INTS11: variants seen among roughly 807,000 people sequenced by gnomAD.
INTS11 encodes the protein integrator complex subunit 11, also known as CPSF3-like protein.
In INTS11, 77 loss-of-function variants were observed where a neutral mutation model predicts 78.6. That is an observed-to-expected ratio of 0.98 (90% CI 0.81 to 1.18). INTS11 has a LOEUF of 1.18. Among genes scored for constraint, INTS11 ranks in the 50% most tolerant of loss-of-function variants. The pLI, the probability that INTS11 is intolerant of heterozygous loss-of-function variation, is 0.00. For missense variants in INTS11, 875 were observed against 825.9 expected (o/e 1.06, Z -0.73); for synonymous variants, 441 against 326.9 (o/e 1.35, Z -3.77).
intron 1 of INTS11, among the ~76,000 whole-genome samples, chr1:1,324,147 G>GGAGGCTGAGAGGCTGGGGAGCTGA (rs1643171520): frequency 2.1e-4 from 2 of 9,662 alleles, no homozygotes; most frequent in Non-Finnish European, 1.8e-3. Context: ...TGGGGGGCTG[G>GGAGGCTGAGAGGCTGGGGAGCTGA]GGGGCTGAGG....
At chr1:1,321,984 C>G (rs1570742775) in intron 1 of INTS11, 1 of 1,235,190 alleles carries the variant, frequency 8.1e-7, no homozygotes, top group East Asian at 4.8e-5. Flanking sequence ...CGAGGGGCTG[C>G]CTGCCACAGA....
intron 3 of INTS11, chr1:1,319,745 G>A: frequency 1.8e-6 from 1 of 569,030 alleles, no homozygotes; most frequent in South Asian, 2.2e-5. Flanking sequence ...GAACACGTCG[G>A]TGACGGCGAC....
In INTS11 at chr1:1,312,206, G is replaced by GGGGGA; in HGVS notation, c.1607+19_1607+20insTCCCC. The GGGGGA allele has an allele frequency of 8.6e-7, 1 of 1,161,216 alleles. No individual in the cohort carries two copies. Among genetic ancestry groups the GGGGGA allele is most frequent in the Non-Finnish European group, 1.2e-6 (1 of 826,256 alleles). The allele number at this position is 1,161,216 out of a possible 1,614,324, so 71.9% of individuals were successfully genotyped here. ...TCCAGGGCCCAAGGGAGTGGGGGGG[G>GGGGGA]GGCGGGGCCGGGCGCCCACCTCTTG... On this transcript the variant is annotated intron_variant, in intron 15 of 16. Coordinates refer to ENST00000435064, the MANE Select transcript of INTS11 (RefSeq NM_017871.6).
At chr1:1,315,244 C>T in intron 6 of INTS11, 160 bp downstream of exon 6, 1 of 889,342 alleles carries the variant, frequency 1.1e-6, no homozygotes, top group Non-Finnish European at 1.8e-6. Context: ...GACCCTGTGC[C>T]TTCGCGCATT....
intron 4 of INTS11, chr1:1,318,944 GGCAACACCCCGGGA>G (rs755399129): frequency 1.5e-5 from 11 of 717,122 alleles, no homozygotes; most frequent in South Asian, 1.5e-4. Context: ...CTCCCTGCCC[GGCAACACCCCGGGA>G]GCTCCAGCGA....
rs941749011 is a variant in INTS11, at chr1:1,320,981, G to A, written c.126+15C>T. 17 of 1,610,282 alleles carry A rather than the reference G, an allele frequency of 1.1e-5. No homozygotes were observed. Among genetic ancestry groups the A allele is most frequent in the Admixed American group, 1.7e-5 (1 of 59,986 alleles). ...GGCTCTCCCAGCCTCTGGGCCTCCT[G>A]CCCAAGGGACTCACGTCGTCATTGA... On this transcript the variant is annotated intron_variant, in intron 2 of 16. Transcript: ENST00000435064.
At position 1,311,739 on chromosome 1, in the gene INTS11, G is replaced by A. The variant is rs1642173995; in HGVS notation, c.*120C>T. On this transcript the variant is annotated 3_prime_UTR_variant, in exon 17 of 17. Transcript: ENST00000435064. ...GGCAGGCAGGTGACACAAGGCCTCTGTCCCCAGGGATGGGACCTGCAGGGT... is the reference window on the plus strand; with the variant it reads ...GGCAGGCAGGTGACACAAGGCCTCTATCCCCAGGGATGGGACCTGCAGGGT... 1 of 1,050,476 alleles carries A rather than the reference G, an allele frequency of 9.5e-7. No homozygotes were observed. Among genetic ancestry groups the A allele is most frequent in the Non-Finnish European group, 1.4e-6 (1 of 706,962 alleles). The allele number at this position is 1,050,476 out of a possible 1,614,324, so 65.1% of individuals were successfully genotyped here.
rs748184251 is a variant in INTS11, at chr1:1,312,622, A to G, written c.1373T>C (p.Leu458Pro). ...CGCCATCTCCCGCTTCAGCAGCCCC[A>G]GCGAGATGCCTACGGGGATGCTGGG... ...TSPSIPVGIS[L>P]GLLKREMAQG... The change falls in exon 13 of 17, where the codon CTG (leucine) becomes CCG (proline). Residue 458 changes from leucine (L) to proline (P), a missense_variant. Leu to Pro is a moderately conservative substitution (Grantham distance 98, BLOSUM62 -3). Coordinates refer to ENST00000435064, the MANE Select transcript of INTS11 (RefSeq NM_017871.6). 1 of 1,582,416 alleles carries G rather than the reference A, an allele frequency of 6.3e-7. No individual in the cohort carries two copies. The highest frequency in any genetic ancestry group is 8.6e-7 in the Non-Finnish European group (1 of 1,159,890).
intron 10 of INTS11, 172 bp from the exon 11 acceptor site, chr1:1,313,296 G>A (rs1373445241): frequency 3.3e-6 from 3 of 899,474 alleles, no homozygotes; most frequent in African/African-American, 3.3e-5. Context: ...AGACTGTCCA[G>A]GGCTGGGCTG....
chr1:1,321,374 G>A (rs1219439513), intron 1 of INTS11, among the ~76,000 whole-genome samples: 2 of 151,984 alleles, frequency 1.3e-5, no homozygotes, highest in Non-Finnish European at 2.9e-5. Flanking sequence ...TGGCTAAGTA[G>A]TGGGCACTGT....
chr1:1,318,978 C>G (rs571427546), intron 4 of INTS11: 15 of 717,154 alleles, frequency 2.1e-5, no homozygotes, highest in Non-Finnish European at 2.9e-5. Flanking sequence ...AGTCTCTGGC[C>G]GCTCCAAGCG....
intron 1 of INTS11, chr1:1,323,287 C>T: frequency 6.5e-7 from 1 of 1,549,244 alleles, no homozygotes; most frequent in Middle Eastern, 1.7e-4. Flanking sequence ...AGGGCAGGCA[C>T]CTGTGGAAAA....
In INTS11 at chr1:1,314,238, C is replaced by T; in HGVS notation, c.767+63G>A. 3 of 1,440,464 alleles carry T rather than the reference C, an allele frequency of 2.1e-6. No individual in the cohort carries two copies. The highest frequency in any genetic ancestry group is 2.9e-6 in the Non-Finnish European group (3 of 1,046,022). The allele number at this position is 1,440,464 out of a possible 1,614,324, so 89.2% of individuals were successfully genotyped here. On this transcript the variant is annotated intron_variant, in intron 8 of 16. Transcript: ENST00000435064. This position sits in a 1 kb window ranked among gnomAD's most constrained non-coding sequence, Gnocchi z 4.2. ...CCGCTACGCTGGACAGGGCTGCCCACCAACTGGACTGTGTTCAGGCCGGGC... is the reference window on the plus strand; with the variant it reads ...CCGCTACGCTGGACAGGGCTGCCCATCAACTGGACTGTGTTCAGGCCGGGC...
rs1365250435 is a variant in INTS11, at chr1:1,312,828, T to C, written c.1253A>G (p.Lys418Arg). The C allele has an allele frequency of 3.7e-6, 6 of 1,611,432 alleles. No individual in the cohort carries two copies. The East Asian group carries it at 6.7e-5, about 18-fold the overall frequency. ...CTTCTGCTTCAGGAACTCCATCTTCTTGGCCTCGCCATGCACCAGCAGCAC... is the reference window on the plus strand; with the variant it reads ...CTTCTGCTTCAGGAACTCCATCTTCCTGGCCTCGCCATGCACCAGCAGCAC... ...ESVLLVHGEA[K>R]KMEFLKQKIE... is the part of the protein sequence containing the mutation. Residue 418 changes from lysine to arginine, a missense_variant, in exon 12 of 17, where the codon AAG becomes AGG. Coordinates refer to ENST00000435064, the MANE Select transcript of INTS11 (RefSeq NM_017871.6).
chr1:1,315,292 G>T (rs1051842823), intron 6 of INTS11, 112 bp downstream of exon 6: 3 of 1,329,344 alleles, frequency 2.3e-6, no homozygotes, highest in African/African-American at 1.4e-5. Context: ...GGCCGCACAG[G>T]ACATGGGAGA....
intron 4 of INTS11, chr1:1,318,684 G>C: frequency 2.2e-6 from 1 of 447,882 alleles, no homozygotes; most frequent in East Asian, 3.5e-5. Context: ...CAACAAAAAA[G>C]ATAAACATAC....
chr1:1,314,650 GA>G lies in INTS11; in HGVS notation c.702+173del. 1 of 851,918 alleles carries G rather than the reference GA, an allele frequency of 1.2e-6. No homozygotes were observed. Among genetic ancestry groups the G allele is most frequent in the Non-Finnish European group, 1.8e-6 (1 of 556,924 alleles). 52.8% of individuals were successfully genotyped at this position (851,918 alleles called of 1,614,324 possible). Reference sequence around the variant, plus strand: ...GTAGGAGGGAAAAGGGGCTCCCTAGGAAAGGGTCTCTGAGTTTTCCTCCTCA... The same window carrying G: ...GTAGGAGGGAAAAGGGGCTCCCTAGGAAGGGTCTCTGAGTTTTCCTCCTCA... On this transcript the variant is annotated intron_variant, in intron 7 of 16. Coordinates refer to ENST00000435064, the MANE Select transcript of INTS11 (RefSeq NM_017871.6). This position sits in a 1 kb window ranked among gnomAD's most constrained non-coding sequence, Gnocchi z 4.2.
chr1:1,318,488 C>G (rs371105539), intron 4 of INTS11: 1 of 164,314 alleles, frequency 6.1e-6, no homozygotes, highest in African/African-American at 2.4e-5. Flanking sequence ...ATACCCATCT[C>G]TACAAAAAAT....
intron 2 of INTS11, 88 bp from the exon 3 acceptor site, chr1:1,320,617 AG>A (rs770936258): frequency 1.5e-6 from 2 of 1,333,074 alleles, no homozygotes; most frequent in Admixed American, 1.7e-5. Context: ...GCCCCCAGGA[AG>A]GGGGGTTCTA....
Sources: allele counts gnomAD v4.1 joint callset (sites outside exome capture counted in the v4.1 genomes callset), GRCh38; gene constraint gnomAD v4.1.1; non-coding constraint Gnocchi (gnomAD v3.1); transcripts MANE v1.5; gene names NCBI Gene and HGNC (gene_info 2026-07-23, HGNC 2026-07-21).